PTPRA: variants seen among roughly 807,000 people sequenced by gnomAD.
PTPRA encodes protein tyrosine phosphatase receptor type A, also known as receptor-type tyrosine-protein phosphatase alpha.
In PTPRA, 25 loss-of-function variants were observed where a neutral mutation model predicts 104.8. That is an observed-to-expected ratio of 0.24 (90% CI 0.17 to 0.33). The LOEUF is 0.33. Among genes scored for constraint, PTPRA ranks in the 10% least tolerant of loss-of-function variants. The pLI, the probability that PTPRA is intolerant of heterozygous loss-of-function variation, is 1.00. For missense variants in PTPRA, 765 were observed against 1,015.3 expected (o/e 0.75, Z 3.35); for synonymous variants, 323 against 368.9 (o/e 0.88, Z 1.43).
At chr20:2,998,177 C>CAA (rs11475589) in intron 9 of PTPRA, among the ~76,000 whole-genome samples, 11 of 83,128 alleles carry the variant, frequency 1.3e-4, no homozygotes, top group South Asian at 7.3e-4. Flanking sequence ...GACTCTGTCT[C>CAA]AAAAAAAAAA....
chr20:3,019,070 A>G (rs2064667453), intron 13 of PTPRA, among the ~76,000 whole-genome samples: 1 of 125,108 alleles, frequency 8.0e-6, no homozygotes, highest in Non-Finnish European at 1.7e-5. Flanking sequence ...CTGGCCGGGC[A>G]GAGGGGCTCC....
rs200582493 is a variant in PTPRA at position 2,952,181 on chromosome 20, GCAA to G, written c.-7+4164_-7+4166del. ...AAAATGGTTGTACCATTTTATATTT[GCAA>G]CAACAATGTCTGAGGGTACTGATTG... On this transcript the variant is annotated intron_variant, in intron 3 of 23. Coordinates refer to ENST00000399903, the MANE Select transcript of PTPRA (RefSeq NM_001385305.1). Among the ~76,000 whole-genome samples, 132 of 151,786 alleles carry G rather than the reference GCAA, an allele frequency of 8.7e-4. No homozygotes were observed. The East Asian group carries it at 0.025, about 28-fold the overall frequency.
intron 11 of PTPRA, among the ~76,000 whole-genome samples, chr20:3,011,025 A>G (rs1013756565): frequency 6.6e-6 from 1 of 152,278 alleles, no homozygotes; most frequent in African/African-American, 2.4e-5. Context: ...GACAAAAGTT[A>G]ATTGTATGTT....
At chr20:3,021,578 T>G (rs953802080) in intron 14 of PTPRA, 150 bp downstream of exon 14, 99 of 1,183,048 alleles carry the variant, frequency 8.4e-5, no homozygotes, top group Non-Finnish European at 1.1e-4. Context: ...GGGGAACTTG[T>G]CTGTCAAAGC....
intron 9 of PTPRA, among the ~76,000 whole-genome samples, chr20:2,989,348 G>T (rs1330052096): frequency 6.6e-6 from 1 of 152,124 alleles, no homozygotes; most frequent in Admixed American, 6.5e-5. Context: ...CAGGAGAATC[G>T]CTTGAACCCA....
chr20:2,934,554 A>G (rs572236588), intron 2 of PTPRA, among the ~76,000 whole-genome samples: 2 of 151,364 alleles, frequency 1.3e-5, no homozygotes, highest in African/African-American at 2.4e-5. Flanking sequence ...ACACTCACCT[A>G]TTTGTATATG....
chr20:2,906,057 C>G (rs2059418647), intron 1 of PTPRA, among the ~76,000 whole-genome samples: 1 of 151,976 alleles, frequency 6.6e-6, no homozygotes, highest in African/African-American at 2.4e-5. Flanking sequence ...TTTAAAGAAA[C>G]TGAAATTTGA....
At chr20:3,012,855 C>T (rs2064239631) in intron 11 of PTPRA, among the ~76,000 whole-genome samples, 1 of 152,116 alleles carries the variant, frequency 6.6e-6, no homozygotes, top group African/African-American at 2.4e-5. Flanking sequence ...AGTGAGAATT[C>T]AGTGATTTTT....
rs534447892 is a variant in PTPRA, at chr20:2,991,735, C to T, written c.738+3261C>T. ...TGTGCTACCATGGCAACCGTGTTCA[C>T]GAGCTCATTGGGCCAGCACTAGGGT... is the stretch of plus-strand genomic sequence containing the variant. On this transcript the variant is annotated intron_variant, in intron 9 of 23. Transcript: ENST00000399903. Among the ~76,000 whole-genome samples, 25 of 152,270 alleles carry T rather than the reference C, an allele frequency of 1.6e-4. 2 individuals carry two copies. Among genetic ancestry groups the T allele is most frequent in the Middle Eastern group, 3.4e-3 (1 of 294 alleles).
intron 1 of PTPRA, among the ~76,000 whole-genome samples, chr20:2,900,817 A>G (rs368404031): frequency 1.3e-5 from 2 of 148,336 alleles, no homozygotes; most frequent in Admixed American, 6.8e-5. Context: ...AGATCAAGCC[A>G]TTGCACTCCA....
chr20:2,879,770 A>C (rs2089947432), intron 1 of PTPRA, among the ~76,000 whole-genome samples: 1 of 152,174 alleles, frequency 6.6e-6, no homozygotes, highest in African/African-American at 2.4e-5. Context: ...TTAGTTACTT[A>C]CAGTATTCAG....
Position 2,887,869 on chromosome 20 carries a change from C to G in PTPRA, c.-129+14109C>G, listed in dbSNP as rs537826772. 8.7e-4 allele frequency among the ~76,000 whole-genome samples: 133 copies of G among 152,338 alleles called. 3 individuals are homozygous for G. In the South Asian group the frequency reaches 0.021, roughly 23 times the overall value. On this transcript the variant is annotated intron_variant, in intron 1 of 23. Transcript: ENST00000399903. ...GGGATACTTCTGCTCTCCTGGTTCC[C>G]ATGTCCCCAGTGATGTGAATGTCCC...
intron 2 of PTPRA, among the ~76,000 whole-genome samples, chr20:2,929,929 C>T (rs1326349841): frequency 1.3e-5 from 2 of 152,118 alleles, no homozygotes; most frequent in African/African-American, 2.4e-5. Context: ...AATTTGTACA[C>T]GCAGACATCA....
chr20:2,978,367 A>G (rs1320263616), intron 6 of PTPRA, among the ~76,000 whole-genome samples: 5 of 152,178 alleles, frequency 3.3e-5, no homozygotes, highest in African/African-American at 1.2e-4. Flanking sequence ...AGCCAATAGG[A>G]AACATTTAAA....
In PTPRA at chr20:3,015,927, T is replaced by C. The variant is rs1447448551; in HGVS notation, c.943+42T>C. ...TTTTTTCTGTTAGATTTAACCATGA[T>C]CACATAATGGGTTTGGTTTTTTTCT... On this transcript the variant is annotated intron_variant, in intron 12 of 23. Coordinates refer to ENST00000399903, the MANE Select transcript of PTPRA (RefSeq NM_001385305.1). The C allele has an allele frequency of 2.0e-6, 3 of 1,526,748 alleles. No homozygotes were observed. The African/African-American group carries it at 4.1e-5, about 21-fold the overall frequency. 94.6% of individuals were successfully genotyped at this position (1,526,748 alleles called of 1,614,324 possible).
At chr20:2,865,901 A>G in the PTPRA span, 1 of 481,168 alleles carries the variant, frequency 2.1e-6, no homozygotes, top group African/African-American at 1.9e-5. This position sits in a 1 kb window ranked among gnomAD's most constrained non-coding sequence, Gnocchi z 5.2. Context: ...TGTCAATCAC[A>G]AGAGAACACA....
At chr20:2,890,192 T>G (rs937066609) in intron 1 of PTPRA, among the ~76,000 whole-genome samples, 2 of 152,038 alleles carry the variant, frequency 1.3e-5, no homozygotes, top group South Asian at 4.2e-4. Context: ...CCACCATGCC[T>G]GGCCTTTTCT....
chr20:2,951,391 C>T (rs769514345), intron 3 of PTPRA, among the ~76,000 whole-genome samples: 17 of 152,182 alleles, frequency 1.1e-4, no homozygotes, highest in Middle Eastern at 3.2e-3. Flanking sequence ...GGAGCCACTG[C>T]GCCCAGCAAC....
chr20:2,921,930 T>G (rs541545571), intron 1 of PTPRA, among the ~76,000 whole-genome samples: 1 of 152,294 alleles, frequency 6.6e-6, no homozygotes, highest in African/African-American at 2.4e-5. Context: ...GCCTTGGCAT[T>G]GTTGACATTT....
Sources: gnomAD v4.1 joint callset for allele counts (sites outside exome capture counted in the v4.1 genomes callset) on GRCh38, gnomAD v4.1.1 for gene constraint, Gnocchi (gnomAD v3.1) non-coding constraint, MANE v1.5 for transcripts, NCBI Gene and HGNC (gene_info 2026-07-23, HGNC 2026-07-21) for gene names.